The following ZNF148 variants were observed in gnomAD, a reference collection of about 807,000 sequenced individuals.
The protein encoded by ZNF148 is Beta-Enolase Repressor Factor-1.
In ZNF148, 7 loss-of-function variants were observed where a neutral mutation model predicts 67.7. The observed-to-expected ratio is 0.10, with a 90% CI of 0.06 to 0.19. The LOEUF (loss-of-function observed/expected upper bound fraction) is 0.19, where lower values mean the gene tolerates loss of function less well. ZNF148 is among the 10% of genes least tolerant of loss of function. ZNF148 has a pLI of 1.00. For synonymous variants in ZNF148, 333 were observed against 330.7 expected (o/e 1.01, Z -0.08); for missense variants, 583 against 947.1 (o/e 0.62, Z 5.05).
intron 2 of ZNF148, among the ~76,000 whole-genome samples, chr3:125,326,451 C>T (rs1392819635): frequency 6.6e-6 from 1 of 151,340 alleles, no homozygotes; most frequent in Non-Finnish European, 1.5e-5. Flanking sequence ...AATGCATAAT[C>T]CTGACAGCAA....
chr3:125,366,512 C>CT (rs1355555205), intron 1 of ZNF148, among the ~76,000 whole-genome samples: 1 of 151,644 alleles, frequency 6.6e-6, no homozygotes, highest in Non-Finnish European at 1.5e-5. Context: ...TGACAATCAG[C>CT]TTTTTTTTCT....
intron 7 of ZNF148, among the ~76,000 whole-genome samples, chr3:125,248,259 T>C (rs1936688606): frequency 6.6e-6 from 1 of 152,218 alleles, no homozygotes; most frequent in Admixed American, 6.5e-5. Context: ...TACTAAAAAG[T>C]ATCCTGACTT....
At chr3:125,333,612 A>C (rs571951357) in intron 1 of ZNF148, among the ~76,000 whole-genome samples, 1 of 152,310 alleles carries the variant, frequency 6.6e-6, no homozygotes, top group East Asian at 1.9e-4. Flanking sequence ...TACTTGGACA[A>C]CCACCCAAGT....
chr3:125,276,604 T>C (rs899368073), intron 7 of ZNF148, among the ~76,000 whole-genome samples: 6 of 152,034 alleles, frequency 3.9e-5, no homozygotes, highest in Non-Finnish European at 8.8e-5. Context: ...CGGCTAATTT[T>C]GTATTTTTAG....
Position 125,323,351 on chromosome 3 carries a change from T to C in ZNF148, c.-59A>G. 1 of 692,840 alleles carries C rather than the reference T, an allele frequency of 1.4e-6. No individual in the cohort carries two copies. Among genetic ancestry groups the C allele is most frequent in the South Asian group, 1.5e-5 (1 of 65,300 alleles). 42.9% of individuals were successfully genotyped at this position (692,840 alleles called of 1,614,324 possible). ...ACGAAGACTTCAAGGAAAGGAATGC[T>C]GTAGAGTTGAAAAAGAAATCATGGT... On this transcript the variant is annotated 5_prime_UTR_variant, in exon 3 of 9. Transcript: ENST00000360647.
chr3:125,374,046 C>T (rs1343163009), intron 1 of ZNF148, among the ~76,000 whole-genome samples: 1 of 152,318 alleles, frequency 6.6e-6, no homozygotes, highest in East Asian at 1.9e-4. Flanking sequence ...AGTGTTAATA[C>T]TTCAAATTTT....
chr3:125,367,723 CTT>C (rs1942744295), intron 1 of ZNF148, among the ~76,000 whole-genome samples: 1 of 152,162 alleles, frequency 6.6e-6, no homozygotes, highest in Non-Finnish European at 1.5e-5. Context: ...CAGAAAGCAG[CTT>C]TGAGAAAAGC....
chr3:125,312,667 G>C (rs1940278337), intron 4 of ZNF148, among the ~76,000 whole-genome samples: 1 of 152,184 alleles, frequency 6.6e-6, no homozygotes, highest in Non-Finnish European at 1.5e-5. Flanking sequence ...GTACATGTTA[G>C]ATGAACTGAA....
intron 3 of ZNF148, 57 bp from the exon 4 acceptor site, chr3:125,313,713 A>T (rs1259287132): frequency 5.3e-6 from 7 of 1,319,338 alleles, no homozygotes; most frequent in African/African-American, 1.5e-5. Flanking sequence ...TGACTACTTC[A>T]TTTTAAATTT....
At chr3:125,303,278 G>C (rs186779371) in intron 4 of ZNF148, among the ~76,000 whole-genome samples, 1 of 152,192 alleles carries the variant, frequency 6.6e-6, no homozygotes, top group East Asian at 1.9e-4. Context: ...TCCTGGCTTA[G>C]TTCTGAATCT....
chr3:125,268,770 A>T (rs1229459796), intron 7 of ZNF148, among the ~76,000 whole-genome samples: 1 of 152,176 alleles, frequency 6.6e-6, no homozygotes, highest in East Asian at 1.9e-4. Context: ...GCTTGAGGCC[A>T]GGAGTTCAAG....
At chr3:125,261,225 TACG>T (rs1937325197) in intron 7 of ZNF148, among the ~76,000 whole-genome samples, 1 of 152,158 alleles carries the variant, frequency 6.6e-6, no homozygotes, top group South Asian at 2.1e-4. Flanking sequence ...AAATTTTAAT[TACG>T]ACAATAGACA....
intron 7 of ZNF148, among the ~76,000 whole-genome samples, chr3:125,254,620 A>G (rs1285611304): frequency 6.6e-6 from 1 of 152,156 alleles, no homozygotes; most frequent in Non-Finnish European, 1.5e-5. Flanking sequence ...ATTTCTAATA[A>G]TGCTTCTTGC....
chr3:125,352,309 T>G (rs746111523), intron 1 of ZNF148, among the ~76,000 whole-genome samples: 1 of 152,194 alleles, frequency 6.6e-6, no homozygotes, highest in Non-Finnish European at 1.5e-5. Context: ...TACTTTATGA[T>G]TCAATTCATA....
intron 4 of ZNF148, among the ~76,000 whole-genome samples, chr3:125,301,179 T>TA (rs1560152859): frequency 6.6e-6 from 1 of 152,180 alleles, no homozygotes; most frequent in South Asian, 2.1e-4. Flanking sequence ...TCTAAAATAT[T>TA]AAAAAACAAA....
chr3:125,296,525 T>C (rs1005468238), intron 4 of ZNF148, among the ~76,000 whole-genome samples: 1 of 152,214 alleles, frequency 6.6e-6, no homozygotes, highest in African/African-American at 2.4e-5. Context: ...TTATACTTCA[T>C]ATTTCCTTCT....
chr3:125,244,268 T>C (rs999226578), intron 7 of ZNF148, among the ~76,000 whole-genome samples: 1 of 152,182 alleles, frequency 6.6e-6, no homozygotes, highest in Non-Finnish European at 1.5e-5. Context: ...CTATAATATA[T>C]GGGTAACTGT....
intron 5 of ZNF148, among the ~76,000 whole-genome samples, chr3:125,286,253 G>A (rs1341873608): frequency 6.6e-6 from 1 of 152,124 alleles, no homozygotes; most frequent in Non-Finnish European, 1.5e-5. Flanking sequence ...AAAAGAAGTG[G>A]AGGGAGAGGG....
Position 125,230,382 on chromosome 3 carries a change from T to C in ZNF148, c.*1959A>G, listed in dbSNP as rs924793098. On this transcript the variant is annotated 3_prime_UTR_variant, in exon 9 of 9. Transcript: ENST00000360647. ...CACACACAATCTTAAGAGTCAATAA[T>C]GGCAGAACTTAAATATTTACTTCAA... is the stretch of plus-strand genomic sequence containing the variant. 4 of 152,532 alleles carry C rather than the reference T, an allele frequency of 2.6e-5. No homozygotes were observed. Among genetic ancestry groups the C allele is most frequent in the Non-Finnish European group, 5.9e-5 (4 of 68,000 alleles). 9.4% of individuals were successfully genotyped at this position (152,532 alleles called of 1,614,324 possible).
Sources: allele counts gnomAD v4.1 joint callset (sites outside exome capture counted in the v4.1 genomes callset), GRCh38; gene constraint gnomAD v4.1.1; transcripts MANE v1.5; gene names NCBI Gene and HGNC (gene_info 2026-07-23, HGNC 2026-07-21).